The following CCDC85A variants were observed in gnomAD, a reference collection of about 807,000 sequenced individuals.
CCDC85A encodes coiled-coil domain containing 85A.
Under a neutral mutation model 50.2 loss-of-function variants are expected in CCDC85A, and 38 were observed. The observed-to-expected ratio is 0.76, with a 90% confidence interval of 0.58 to 0.99. The LOEUF is 0.99. Ranked by LOEUF, CCDC85A falls within the 50% of genes least tolerant of loss-of-function variation. The probability of loss-of-function intolerance (pLI) is 0.00; values close to 1 mark genes in which losing one functional copy is unlikely to be tolerated. For missense variants in CCDC85A, 820 were observed against 742.0 expected, an observed-to-expected ratio of 1.11 and a Z score of -1.22; for synonymous variants, 366 against 301.4, an observed-to-expected ratio of 1.21 and a Z score of -2.22.
chr2:56,248,159 G>A (rs545606010), intron 2 of CCDC85A, among the ~76,000 whole-genome samples: 34 of 152,342 alleles, frequency 2.2e-4, no homozygotes, highest in Admixed American at 4.6e-4. Flanking sequence ...TGTGATAAAT[G>A]CTTCTGCTCT....
At chr2:56,189,041 A>T (rs1289579160) in intron 1 of CCDC85A, among the ~76,000 whole-genome samples, 2 of 152,216 alleles carry the variant, frequency 1.3e-5, no homozygotes, top group African/African-American at 4.8e-5. Flanking sequence ...TCATTCATTC[A>T]TGGGTACTTT....
intron 1 of CCDC85A, among the ~76,000 whole-genome samples, chr2:56,191,404 C>T (rs1034443587): frequency 4.6e-5 from 7 of 152,296 alleles, no homozygotes; most frequent in Non-Finnish European, 1.0e-4. Context: ...TATTTGTGAA[C>T]AAGCAAGTGA....
At chr2:56,279,435 CT>C (rs1304456615) in intron 2 of CCDC85A, among the ~76,000 whole-genome samples, 1 of 152,202 alleles carries the variant, frequency 6.6e-6, no homozygotes, top group African/African-American at 2.4e-5. Context: ...CTCCCACCAC[CT>C]ATTTCTCCCC....
chr2:56,288,685 A>T (rs1318281002), intron 2 of CCDC85A, among the ~76,000 whole-genome samples: 1 of 149,316 alleles, frequency 6.7e-6, no homozygotes, highest in Non-Finnish European at 1.5e-5. Flanking sequence ...GCTTCTTCCC[A>T]CCATGCCCCC....
At chr2:56,316,646 T>G (rs969454733) in intron 2 of CCDC85A, among the ~76,000 whole-genome samples, 9 of 152,212 alleles carry the variant, frequency 5.9e-5, no homozygotes, top group African/African-American at 1.9e-4. Flanking sequence ...ATAACTATTG[T>G]AAGGATAAAG....
chr2:56,184,429 GGC>G lies in CCDC85A; in HGVS notation c.-186_-185del. ...GGCTGCCGGGCCCTGGGGGAGCGCG[GGC>G]GCGCGCGCGGGGATGGCGAGGTAGG... On this transcript the variant is annotated 5_prime_UTR_variant, in exon 1 of 6. The change abolishes the stop of an existing upstream ORF in the 5' untranslated region. Coordinates refer to ENST00000407595, the MANE Select transcript of CCDC85A (RefSeq NM_001080433.2). 35 of 583,622 alleles carry G rather than the reference GGC, an allele frequency of 6.0e-5. No individual in the cohort carries two copies. Among genetic ancestry groups the G allele is most frequent in the South Asian group, 8.8e-5 (1 of 11,388 alleles). The allele number at this position is 583,622 out of a possible 1,614,324, so 36.2% of individuals were successfully genotyped here. A position where few individuals can be genotyped will look rare whatever the true frequency, so the allele number is the denominator to read the frequency against.
chr2:56,346,669 ATTATGTGCTAG>A (rs1674647038), intron 3 of CCDC85A, among the ~76,000 whole-genome samples: 1 of 152,260 alleles, frequency 6.6e-6, no homozygotes, highest in South Asian at 2.1e-4. Context: ...AAAATGCTGC[ATTATGTGCTAG>A]TTATTATTAT....
At chr2:56,252,698 C>A (rs1307537157) in intron 2 of CCDC85A, among the ~76,000 whole-genome samples, 2 of 152,156 alleles carry the variant, frequency 1.3e-5, no homozygotes, top group Non-Finnish European at 2.9e-5. Flanking sequence ...CTCGGGCCCC[C>A]CCGCCCAACC....
chr2:56,252,379 A>C (rs1402815013), intron 2 of CCDC85A, among the ~76,000 whole-genome samples: 1 of 152,150 alleles, frequency 6.6e-6, no homozygotes, highest in African/African-American at 2.4e-5. Flanking sequence ...TAACTAGGCC[A>C]GGTATTGTAG....
chr2:56,239,575 A>G (rs942966814), intron 2 of CCDC85A, among the ~76,000 whole-genome samples: 2 of 152,178 alleles, frequency 1.3e-5, no homozygotes, highest in African/African-American at 4.8e-5. Flanking sequence ...TTACTTGGGA[A>G]ATGAATTGGC....
At chr2:56,309,809 T>G (rs1672609091) in intron 2 of CCDC85A, among the ~76,000 whole-genome samples, 1 of 152,112 alleles carries the variant, frequency 6.6e-6, no homozygotes, top group Non-Finnish European at 1.5e-5. Flanking sequence ...TGCTCTGGGG[T>G]TTTGGCAGCG....
At chr2:56,304,496 C>G (rs893817997) in intron 2 of CCDC85A, among the ~76,000 whole-genome samples, 6 of 152,088 alleles carry the variant, frequency 3.9e-5, no homozygotes, top group African/African-American at 1.4e-4. Context: ...GACTAAGTGA[C>G]TTTATTTGCA....
chr2:56,210,149 G>C lies in CCDC85A; in HGVS notation c.1240+16709G>C, dbSNP rs17047591. On this transcript the variant is annotated intron_variant, in intron 2 of 5. Transcript: ENST00000407595. ...ACTGACTGTATGCTCGTTGGAAGTA[G>C]CTGTCTGTGAAGGCACATATCTGCC... Among the ~76,000 whole-genome samples the C allele has an allele frequency of 7.4e-3, 1,120 of 152,176 alleles. 10 individuals are homozygous for C. The highest frequency in any genetic ancestry group is 0.026 in the African/African-American group (1,062 of 41,538).
At chr2:56,266,534 A>T (rs1670447901) in intron 2 of CCDC85A, among the ~76,000 whole-genome samples, 1 of 148,972 alleles carries the variant, frequency 6.7e-6, no homozygotes, top group African/African-American at 2.5e-5. Flanking sequence ...AAAACATCAC[A>T]TTATGCCCAA....
chr2:56,220,858 G>A (rs1377365239), intron 2 of CCDC85A, among the ~76,000 whole-genome samples: 2 of 151,944 alleles, frequency 1.3e-5, no homozygotes, highest in Non-Finnish European at 2.9e-5. Context: ...GCAATAAAAT[G>A]TTCCATAAAT....
At chr2:56,352,787 A>G (rs1675020820) in intron 3 of CCDC85A, among the ~76,000 whole-genome samples, 1 of 152,224 alleles carries the variant, frequency 6.6e-6, no homozygotes, top group African/African-American at 2.4e-5. Context: ...AATTGCTAGA[A>G]ATAACACCAA....
At chr2:56,323,472 G>T (rs992910730) in intron 2 of CCDC85A, among the ~76,000 whole-genome samples, 4 of 151,988 alleles carry the variant, frequency 2.6e-5, no homozygotes, top group Admixed American at 2.0e-4. Context: ...TTGCTATTTA[G>T]GTTCGAGTGA....
chr2:56,192,338 A>C lies in CCDC85A; in HGVS notation c.277-139A>C, dbSNP rs1490077211. On this transcript the variant is annotated intron_variant, in intron 1 of 5. Transcript: ENST00000407595. This position sits in a 1 kb window ranked among gnomAD's most constrained non-coding sequence, Gnocchi z 4.7. The stretch of plus-strand genomic sequence containing the variant: ...TTTTTATGGACAGCTACAAATCTTC[A>C]GCTTCCTCCTACTCCCTCACCTCCT... 1 of 1,192,262 alleles carries C rather than the reference A, an allele frequency of 8.4e-7. No individual in the cohort carries two copies. The highest frequency in any genetic ancestry group is 1.5e-5 in the African/African-American group (1 of 65,570). The allele number at this position is 1,192,262 out of a possible 1,614,324, so 73.9% of individuals were successfully genotyped here. A position where few individuals can be genotyped will look rare whatever the true frequency, so the allele number is the denominator to read the frequency against.
chr2:56,245,880 A>G (rs1230273567), intron 2 of CCDC85A, among the ~76,000 whole-genome samples: 1 of 152,156 alleles, frequency 6.6e-6, no homozygotes, highest in Non-Finnish European at 1.5e-5. Context: ...CATCTCCTTG[A>G]TCTTGAACTT....
Sources: gnomAD v4.1 joint callset for allele counts (sites outside exome capture counted in the v4.1 genomes callset) on GRCh38, gnomAD v4.1.1 for gene constraint, Gnocchi (gnomAD v3.1) non-coding constraint, MANE v1.5 for transcripts, NCBI Gene and HGNC (gene_info 2026-07-23, HGNC 2026-07-21) for gene names.